Variants in OXCT1 observed in about 807,000 individuals in gnomAD.
OXCT1 encodes the protein 3-oxoacid CoA-transferase 1.
Under a neutral mutation model 69.6 loss-of-function variants are expected in OXCT1, and 27 were observed. The observed-to-expected ratio is 0.39, with a 90% confidence interval of 0.29 to 0.54. OXCT1 has a LOEUF of 0.54. Ranked by LOEUF, OXCT1 falls within the 20% of genes least tolerant of loss-of-function variation. OXCT1 has a pLI of 0.72. For synonymous variants in OXCT1, 202 were observed against 217.8 expected (o/e 0.93, Z 0.64); for missense variants, 437 against 650.2 (o/e 0.67, Z 3.57).
chr5:41,744,420 T>G (rs566422946), intron 15 of OXCT1, among the ~76,000 whole-genome samples: 3 of 152,130 alleles, frequency 2.0e-5, no homozygotes, highest in Non-Finnish European at 4.4e-5. Context: ...ACAGGGACAA[T>G]TTGACTTCCT....
intron 14 of OXCT1, among the ~76,000 whole-genome samples, chr5:41,760,554 T>C (rs1744297500): frequency 6.6e-6 from 1 of 152,112 alleles, no homozygotes; most frequent in African/African-American, 2.4e-5. Context: ...ATAGGCCTAA[T>C]GTTTTGAAAA....
At position 41,853,504 on chromosome 5, in the gene OXCT1, C is replaced by T. The variant is rs750016760; in HGVS notation, c.329G>A (p.Arg110His). ...GLLLRSKQIK[R>H]MVSSYVGENA... ...TTCTCCCACATATGAAGAGACCATG[C>T]GTTTTATCTGCTTGGACCGAAGCAA... The change falls in exon 4 of 17, where the codon CGC (arginine) becomes CAC (histidine). Residue 110 changes from arginine (R) to histidine (H), a missense_variant. This residue lies in a region of OXCT1 where 252 missense variants were observed against 397.4 expected (regional missense o/e 0.63). Coordinates refer to ENST00000196371, the MANE Select transcript of OXCT1 (RefSeq NM_000436.4). 3.7e-6 allele frequency: 6 copies of T among 1,613,674 alleles called. No homozygotes were observed. Among genetic ancestry groups the T allele is most frequent in the South Asian group, 3.3e-5 (3 of 91,080 alleles).
chr5:41,754,776 T>C (rs950922897), intron 14 of OXCT1, among the ~76,000 whole-genome samples: 4 of 151,934 alleles, frequency 2.6e-5, no homozygotes, highest in African/African-American at 9.7e-5. Context: ...AGAGAACATT[T>C]GCTATTACAA....
intron 1 of OXCT1, among the ~76,000 whole-genome samples, chr5:41,868,040 ACC>A (rs1432701399): frequency 6.6e-6 from 1 of 152,208 alleles, no homozygotes; most frequent in African/African-American, 2.4e-5. Flanking sequence ...CCCACCCAGG[ACC>A]TATTAAATTA....
At chr5:41,756,877 G>A (rs1392202755) in intron 14 of OXCT1, among the ~76,000 whole-genome samples, 1 of 152,098 alleles carries the variant, frequency 6.6e-6, no homozygotes, top group African/African-American at 2.4e-5. Flanking sequence ...AGGTCCCAAG[G>A]CAAGATATTC....
intron 16 of OXCT1, among the ~76,000 whole-genome samples, 165 bp from the exon 17 acceptor site, chr5:41,731,935 G>A (rs1216897975): frequency 6.6e-6 from 1 of 152,176 alleles, no homozygotes; most frequent in African/African-American, 2.4e-5. Context: ...AGACAGAACA[G>A]TTCTGTTTAC....
chr5:41,824,061 T>C (rs533272500), intron 7 of OXCT1, among the ~76,000 whole-genome samples: 3 of 152,328 alleles, frequency 2.0e-5, no homozygotes, highest in Admixed American at 6.5e-5. Flanking sequence ...TTGCAAAGCA[T>C]AATGTAAAAT....
chr5:41,788,740 A>T (rs530572070), intron 13 of OXCT1, among the ~76,000 whole-genome samples: 129 of 152,290 alleles, frequency 8.5e-4, no homozygotes, highest in African/African-American at 2.9e-3. Flanking sequence ...TCAGTAATTG[A>T]CAAGACACAG....
chr5:41,847,440 A>G (rs1561126011), intron 5 of OXCT1, among the ~76,000 whole-genome samples: 2 of 152,196 alleles, frequency 1.3e-5, no homozygotes, highest in Non-Finnish European at 2.9e-5. Flanking sequence ...TGAGGCCAGC[A>G]TCATCCTGAT....
chr5:41,807,568 T>TA (rs1746747413), intron 7 of OXCT1, 130 bp from the exon 8 acceptor site: 2 of 651,538 alleles, frequency 3.1e-6, no homozygotes, highest in Non-Finnish European at 5.5e-6. Context: ...GACATATATC[T>TA]ATGTATGTAT....
intron 7 of OXCT1, among the ~76,000 whole-genome samples, chr5:41,812,181 G>T (rs1053631532): frequency 5.3e-5 from 8 of 151,890 alleles, no homozygotes; most frequent in African/African-American, 1.7e-4. Context: ...CAGAAATTTT[G>T]AGGAAAAAAA....
At chr5:41,865,301 T>C (rs1467246021) in intron 1 of OXCT1, among the ~76,000 whole-genome samples, 2 of 152,180 alleles carry the variant, frequency 1.3e-5, no homozygotes, top group Non-Finnish European at 2.9e-5. Context: ...TTTCATCTGA[T>C]AGTTTTCACT....
chr5:41,773,822 C>T (rs775487208), intron 13 of OXCT1, among the ~76,000 whole-genome samples: 10 of 151,934 alleles, frequency 6.6e-5, no homozygotes, highest in Non-Finnish European at 1.3e-4. Flanking sequence ...GTTTCAGTAA[C>T]GTTGACCATT....
intron 3 of OXCT1, among the ~76,000 whole-genome samples, chr5:41,854,550 TAAG>T (rs946094731): frequency 6.6e-6 from 1 of 152,162 alleles, no homozygotes; most frequent in African/African-American, 2.4e-5. Context: ...ATTTCTAAGA[TAAG>T]AATACTTGAC....
intron 7 of OXCT1, among the ~76,000 whole-genome samples, chr5:41,829,086 C>T (rs761818147): frequency 1.1e-4 from 17 of 152,102 alleles, no homozygotes; most frequent in Non-Finnish European, 1.9e-4. Flanking sequence ...TCAACAGGCT[C>T]TCCTGATGTC....
At chr5:41,822,535 A>G (rs552931998) in intron 7 of OXCT1, among the ~76,000 whole-genome samples, 1 of 152,198 alleles carries the variant, frequency 6.6e-6, no homozygotes, top group East Asian at 1.9e-4. Context: ...CTGGAGTTCA[A>G]TGATCTCAGC....
At chr5:41,851,267 T>C (rs1287681243) in intron 4 of OXCT1, among the ~76,000 whole-genome samples, 2 of 152,206 alleles carry the variant, frequency 1.3e-5, no homozygotes, top group African/African-American at 2.4e-5. Flanking sequence ...ACTTGAGACA[T>C]TGAGTCATTC....
chr5:41,861,230 A>C, intron 3 of OXCT1, 84 bp downstream of exon 3: 1 of 927,452 alleles, frequency 1.1e-6, no homozygotes, highest in Middle Eastern at 2.7e-4. Context: ...AATAGGAGAA[A>C]ACTTCATTTC....
chr5:41,798,499 T>C (rs58783539), intron 11 of OXCT1, among the ~76,000 whole-genome samples: 7,685 of 151,918 alleles, frequency 0.051, 664 homozygotes, highest in African/African-American at 0.17. Flanking sequence ...GGTGTGACAA[T>C]CAAAAATGTC....
Sources: allele counts gnomAD v4.1 joint callset (sites outside exome capture counted in the v4.1 genomes callset), GRCh38; gene constraint gnomAD v4.1.1; regional missense constraint gnomAD v4.1.1; transcripts MANE v1.5; gene names NCBI Gene and HGNC (gene_info 2026-07-23, HGNC 2026-07-21).